The following MRPL30 variants were observed in gnomAD, a reference collection of about 807,000 sequenced individuals.
The protein encoded by MRPL30 is mitochondrial ribosomal protein L30, also known as large ribosomal subunit protein uL30m.
MRPL30 carries 10 observed loss-of-function variants against 17.2 expected under a neutral mutation model. The ratio of observed to expected loss-of-function variants is 0.58; its 90% CI spans 0.36 to 0.99. The LOEUF is 0.99. Among genes scored for constraint, MRPL30 ranks in the 50% least tolerant of loss-of-function variants. MRPL30 has a pLI of 0.01. For missense variants in MRPL30, 170 were observed against 189.8 expected (o/e 0.90, Z 0.61); for synonymous variants, 61 against 62.1 (o/e 0.98, Z 0.08).
At chr2:99,183,097 A>G (rs1289470015) in intron 1 of MRPL30, among the ~76,000 whole-genome samples, 4 of 152,194 alleles carry the variant, frequency 2.6e-5, no homozygotes, top group Non-Finnish European at 5.9e-5. Context: ...CCATGTAAAT[A>G]TCAGGATCAT....
rs2093958078 is a variant in MRPL30, at chr2:99,198,149, G to A, written c.*2444G>A. Reference sequence around the variant, plus strand: ...GTGAAAATATGGGCATAGGCCAGCAGCATTAGCTTTCTATTGCTGCAGAAC... The same window carrying A: ...GTGAAAATATGGGCATAGGCCAGCAACATTAGCTTTCTATTGCTGCAGAAC... On this transcript the variant is annotated 3_prime_UTR_variant, in exon 6 of 6. Coordinates refer to ENST00000338148, the MANE Select transcript of MRPL30 (RefSeq NM_145212.4). Among the ~76,000 whole-genome samples, 1 of 152,240 alleles carries A rather than the reference G, an allele frequency of 6.6e-6. No individual in the cohort carries two copies. The highest frequency in any genetic ancestry group is 1.5e-5 in the Non-Finnish European group (1 of 68,044).
intron 1 of MRPL30, 146 bp from the exon 2 acceptor site, chr2:99,186,031 G>A (rs888684458): frequency 1.0e-5 from 6 of 574,110 alleles, no homozygotes; most frequent in East Asian, 2.9e-5. Context: ...AAATTAATTC[G>A]TGCCCTTATT....
intron 3 of MRPL30, among the ~76,000 whole-genome samples, chr2:99,191,459 C>A (rs149352185): frequency 2.6e-5 from 4 of 152,110 alleles, no homozygotes; most frequent in Non-Finnish European, 4.4e-5. Flanking sequence ...AAAGAGGGTG[C>A]GTCTCTTGTA....
chr2:99,182,804 A>G (rs11689265), intron 1 of MRPL30, among the ~76,000 whole-genome samples: 86,848 of 152,144 alleles, frequency 0.57, 25,912 homozygotes, highest in East Asian at 0.88. Context: ...CGCTTTACAC[A>G]GATGTTTGGG....
At chr2:99,183,568 CAAA>C (rs35487170) in intron 1 of MRPL30, among the ~76,000 whole-genome samples, 3 of 131,636 alleles carry the variant, frequency 2.3e-5, no homozygotes, top group Admixed American at 7.4e-5. Context: ...GACTCTGTCT[CAAA>C]AAAAAAAAAA....
chr2:99,182,541 C>A (rs963866690), intron 1 of MRPL30, among the ~76,000 whole-genome samples: 2 of 152,182 alleles, frequency 1.3e-5, no homozygotes, highest in Non-Finnish European at 2.9e-5. Flanking sequence ...GGCGACAGAG[C>A]GAGACTCCGT....
chr2:99,182,962 A>G (rs1261135060), intron 1 of MRPL30, among the ~76,000 whole-genome samples: 2 of 152,238 alleles, frequency 1.3e-5, no homozygotes, highest in Non-Finnish European at 2.9e-5. Flanking sequence ...GATAGAAAGC[A>G]GTGAAGAGGA....
chr2:99,194,902 G>A lies in MRPL30; in HGVS notation c.279+5G>A, dbSNP rs773455288. On this transcript the variant is annotated splice_donor_5th_base_variant and intron_variant, in intron 4 of 5. Transcript: ENST00000338148. ...AAGATGCTTGGATTAGAAAAAGTAT[G>A]CAATTATTTTAATCATCTTTAGTGT... The A allele has an allele frequency of 5.1e-6, 8 of 1,556,138 alleles. No individual in the cohort carries two copies. The East Asian group carries it at 1.8e-4, about 36-fold the overall frequency.
rs1559192319 is a variant in MRPL30, at chr2:99,195,911, C to T, written c.*206C>T. The T allele has an allele frequency of 2.1e-6, 1 of 479,978 alleles. No homozygotes were observed. The highest frequency in any genetic ancestry group is 2.2e-5 in the South Asian group (1 of 44,806). The allele number at this position is 479,978 out of a possible 1,614,324, so 29.7% of individuals were successfully genotyped here. On this transcript the variant is annotated 3_prime_UTR_variant, in exon 6 of 6. Coordinates refer to ENST00000338148, the MANE Select transcript of MRPL30 (RefSeq NM_145212.4). The stretch of plus-strand genomic sequence containing the variant: ...AGCCTGACCAACATGGAGAAACCCC[C>T]ATCTCTACTGAAAATACAGAATTAG...
In MRPL30 at chr2:99,181,219, A is replaced by G; in HGVS notation, c.-58A>G. Reference sequence around the variant, plus strand: ...CTCTGCTCTGCTTCCCTTCGGAGGAAAATTTCAGGCTGAAGGTTTAGCGGG... The same window carrying G: ...CTCTGCTCTGCTTCCCTTCGGAGGAGAATTTCAGGCTGAAGGTTTAGCGGG... On this transcript the variant is annotated 5_prime_UTR_variant, in exon 1 of 6. Transcript: ENST00000338148. 2 of 501,174 alleles carry G rather than the reference A, an allele frequency of 4.0e-6. No individual in the cohort carries two copies. Among genetic ancestry groups the G allele is most frequent in the South Asian group, 2.9e-5 (1 of 34,324 alleles). 31.0% of individuals were successfully genotyped at this position (501,174 alleles called of 1,614,324 possible).
At chr2:99,188,283 A>C (rs1440172532) in intron 3 of MRPL30, 26 bp downstream of exon 3, 2 of 1,537,942 alleles carry the variant, frequency 1.3e-6, no homozygotes, top group African/African-American at 2.8e-5. Context: ...GATTTTTTTA[A>C]TGTTAGTGTT....
chr2:99,187,155 T>G (rs1248140377), intron 2 of MRPL30: 1 of 152,254 alleles, frequency 6.6e-6, no homozygotes, highest in African/African-American at 2.4e-5. Flanking sequence ...GCAGCAGAAC[T>G]CAGCCCAGTG....
intron 3 of MRPL30, among the ~76,000 whole-genome samples, chr2:99,193,482 C>T (rs185133485): frequency 3.3e-5 from 5 of 152,122 alleles, no homozygotes; most frequent in Admixed American, 2.6e-4. Context: ...AGCTATGACT[C>T]TTGATCTAAT....
intron 2 of MRPL30, among the ~76,000 whole-genome samples, chr2:99,186,656 A>C (rs1284471710): frequency 4.6e-5 from 7 of 152,154 alleles, no homozygotes; most frequent in Admixed American, 2.6e-4. Context: ...AATCTTGTTT[A>C]TGTATGGTTT....
chr2:99,191,545 C>T (rs2093946072), intron 3 of MRPL30, among the ~76,000 whole-genome samples: 1 of 152,146 alleles, frequency 6.6e-6, no homozygotes, highest in Admixed American at 6.6e-5. Context: ...GCTCAGCCTC[C>T]CTCTTCTTCA....
chr2:99,181,421 T>C (rs917660650), intron 1 of MRPL30, among the ~76,000 whole-genome samples, 172 bp downstream of exon 1: 1 of 152,206 alleles, frequency 6.6e-6, no homozygotes, highest in African/African-American at 2.4e-5. Context: ...GCCATTGGCC[T>C]GCAGGATCCC....
At position 99,195,568 on chromosome 2, in the gene MRPL30, C is replaced by G; in HGVS notation, c.354-5C>G. On this transcript the variant is annotated splice_polypyrimidine_tract_variant and splice_region_variant and intron_variant, in intron 5 of 5. Coordinates refer to ENST00000338148, the MANE Select transcript of MRPL30 (RefSeq NM_145212.4). ...CCTATCTAAACGCATTTTCTTGTGT[C>G]ACAGAATCAAGCCCTTGAAGTTGCC... 6.3e-7 allele frequency: 1 copy of G among 1,594,062 alleles called. No individual in the cohort carries two copies. Among genetic ancestry groups the G allele is most frequent in the Non-Finnish European group, 8.5e-7 (1 of 1,175,112 alleles).
intron 3 of MRPL30, 50 bp downstream of exon 3, chr2:99,188,307 T>G (rs2093937853): frequency 1.5e-6 from 2 of 1,372,436 alleles, no homozygotes; most frequent in African/African-American, 2.9e-5. Context: ...TTAAAAAATG[T>G]TTTAAGTGGT....
At position 99,195,775 on chromosome 2, in the gene MRPL30, T is replaced by C; in HGVS notation, c.*70T>C. 2.5e-6 allele frequency: 4 copies of C among 1,600,852 alleles called. No individual in the cohort carries two copies. The South Asian group carries it at 4.5e-5, about 18-fold the overall frequency. Reference sequence around the variant, plus strand: ...AAAGATGGTGAGAAAGTGTTTTCATTAAAATATGTTTTCAAAACCATTTTC... The same window carrying C: ...AAAGATGGTGAGAAAGTGTTTTCATCAAAATATGTTTTCAAAACCATTTTC... On this transcript the variant is annotated 3_prime_UTR_variant, in exon 6 of 6. Coordinates refer to ENST00000338148, the MANE Select transcript of MRPL30 (RefSeq NM_145212.4).
Sources: gnomAD v4.1 joint callset for allele counts (sites outside exome capture counted in the v4.1 genomes callset) on GRCh38, gnomAD v4.1.1 for gene constraint, MANE v1.5 for transcripts, NCBI Gene and HGNC (gene_info 2026-07-23, HGNC 2026-07-21) for gene names.